Variants in RPAP2 observed in about 807,000 individuals in gnomAD.
RPAP2 encodes putative RNA polymerase II subunit B1 CTD phosphatase RPAP2.
RPAP2 carries 52 observed loss-of-function variants against 73.1 expected under a neutral mutation model. The ratio of observed to expected loss-of-function variants is 0.71; its 90% CI spans 0.57 to 0.90. The LOEUF is 0.90. Ranked by LOEUF, RPAP2 falls within the 40% of genes least tolerant of loss-of-function variation. The probability of loss-of-function intolerance (pLI) is 0.00; values close to 1 mark genes in which losing one functional copy is unlikely to be tolerated. For synonymous variants in RPAP2, 225 were observed against 242.1 expected (o/e 0.93, Z 0.65); for missense variants, 598 against 701.8 (o/e 0.85, Z 1.67).
At chr1:92,374,962 G>C (rs955225424) in intron 11 of RPAP2, among the ~76,000 whole-genome samples, 8 of 151,840 alleles carry the variant, frequency 5.3e-5, no homozygotes, top group African/African-American at 9.7e-5. Flanking sequence ...CAAAACCACT[G>C]AAATAAAATA....
At position 92,392,031 on chromosome 1, in the gene RPAP2, T is replaced by C. The variant is rs1451336747; in HGVS notation, c.*5020T>C. On this transcript the variant is annotated 3_prime_UTR_variant, in exon 13 of 13. Coordinates refer to ENST00000610020, the MANE Select transcript of RPAP2 (RefSeq NM_024813.3). ...AAAGGGAATCCTCCCTAACTCATTTTATGAGGCTAACATCATCCTGATACC... is the reference window on the plus strand; with the variant it reads ...AAAGGGAATCCTCCCTAACTCATTTCATGAGGCTAACATCATCCTGATACC... 2 of 152,208 alleles carry C rather than the reference T, an allele frequency of 1.3e-5. No individual in the cohort carries two copies. The highest frequency in any genetic ancestry group is 2.9e-5 in the Non-Finnish European group (2 of 68,048). 9.4% of individuals were successfully genotyped at this position (152,208 alleles called of 1,614,324 possible).
In RPAP2 at chr1:92,391,505, TA is replaced by T; in HGVS notation, c.*4495del. 6.6e-6 allele frequency: 1 copy of T among 152,090 alleles called. No individual in the cohort carries two copies. Among genetic ancestry groups the T allele is most frequent in the Admixed American group, 6.6e-5 (1 of 15,254 alleles). 9.4% of individuals were successfully genotyped at this position (152,090 alleles called of 1,614,324 possible). On this transcript the variant is annotated 3_prime_UTR_variant, in exon 13 of 13. Transcript: ENST00000610020. The stretch of plus-strand genomic sequence containing the variant: ...AGCAAGACCAAACAAATTCAAAAGC[TA>T]GCAGAAGGCAAGAAATAACTAAGAT...
chr1:92,307,111 T>C, intron 5 of RPAP2, 77 bp from the exon 6 acceptor site: 1 of 962,496 alleles, frequency 1.0e-6, no homozygotes, highest in Non-Finnish European at 1.6e-6. Context: ...ACGATACATT[T>C]ATGTTTTATA....
chr1:92,351,630 G>T (rs898321891), intron 11 of RPAP2, among the ~76,000 whole-genome samples: 2 of 152,074 alleles, frequency 1.3e-5, no homozygotes, highest in African/African-American at 4.8e-5. Context: ...GTATATTTGA[G>T]CCTGTAACAC....
In RPAP2 at chr1:92,310,726, A is replaced by G. The variant is rs576928094; in HGVS notation, c.488+3450A>G. ...AGCCTGGCCAACATGACAAAACCCT[A>G]TCTCTACTAAAAATATAAAAATTAG... On this transcript the variant is annotated intron_variant, in intron 6 of 12. Transcript: ENST00000610020. 2.8e-4 allele frequency among the ~76,000 whole-genome samples: 43 copies of G among 152,218 alleles called. 1 individual carries two copies. In the South Asian group the frequency reaches 8.7e-3, roughly 31 times the overall value.
chr1:92,320,648 A>T lies in RPAP2; in HGVS notation c.524+14A>T. The stretch of plus-strand genomic sequence containing the variant: ...GGAAGAACAAAGGTATGGTTGAATC[A>T]GTATCATTTACCATTTATATATTTA... On this transcript the variant is annotated intron_variant, in intron 7 of 12. Coordinates refer to ENST00000610020, the MANE Select transcript of RPAP2 (RefSeq NM_024813.3). The T allele has an allele frequency of 6.3e-7, 1 of 1,591,944 alleles. No individual in the cohort carries two copies. The highest frequency in any genetic ancestry group is 1.1e-5 in the South Asian group (1 of 90,058).
chr1:92,314,320 G>A (rs1651775472), intron 6 of RPAP2, among the ~76,000 whole-genome samples: 1 of 146,870 alleles, frequency 6.8e-6, no homozygotes, highest in Admixed American at 6.7e-5. Flanking sequence ...TTTTGTTGTT[G>A]TTGCTGTTGC....
intron 11 of RPAP2, among the ~76,000 whole-genome samples, chr1:92,350,627 G>A (rs1654153894): frequency 6.6e-6 from 1 of 152,206 alleles, no homozygotes; most frequent in Non-Finnish European, 1.5e-5. Flanking sequence ...TAATAAAAAT[G>A]TATATAAGTA....
chr1:92,350,408 A>T (rs1268122875), intron 11 of RPAP2, among the ~76,000 whole-genome samples: 1 of 152,196 alleles, frequency 6.6e-6, no homozygotes, highest in African/African-American at 2.4e-5. Flanking sequence ...CAATAAAATA[A>T]CCTGATAATT....
At chr1:92,384,899 C>A (rs1343597951) in intron 12 of RPAP2, among the ~76,000 whole-genome samples, 1 of 152,054 alleles carries the variant, frequency 6.6e-6, no homozygotes, top group East Asian at 1.9e-4. Flanking sequence ...CCTAAAATTC[C>A]AGCACTTTGG....
At position 92,398,909 on chromosome 1, in the gene RPAP2, T is replaced by C. The variant is rs568742012; in HGVS notation, c.*11898T>C. 1.3e-5 allele frequency: 2 copies of C among 152,368 alleles called. No individual in the cohort carries two copies. The highest frequency in any genetic ancestry group is 2.9e-5 in the Non-Finnish European group (2 of 68,044). 9.4% of individuals were successfully genotyped at this position (152,368 alleles called of 1,614,324 possible). On this transcript the variant is annotated 3_prime_UTR_variant, in exon 13 of 13. Transcript: ENST00000610020. ...GAGAATTCATGTGTCCTTTTCCAAA[T>C]TAAACTAGCAAAATATGAACTTTTG...
At chr1:92,352,978 C>T (rs1011461091) in intron 11 of RPAP2, among the ~76,000 whole-genome samples, 2 of 152,184 alleles carry the variant, frequency 1.3e-5, no homozygotes, top group South Asian at 2.1e-4. Context: ...GCTTCTTTCA[C>T]GTAACATGTT....
chr1:92,370,859 T>C (rs1655118273), intron 11 of RPAP2, among the ~76,000 whole-genome samples: 1 of 152,128 alleles, frequency 6.6e-6, no homozygotes, highest in Admixed American at 6.5e-5. Flanking sequence ...ATATACCCCA[T>C]GCAAGAATAG....
At chr1:92,356,188 G>A (rs1654453523) in intron 11 of RPAP2, among the ~76,000 whole-genome samples, 1 of 151,572 alleles carries the variant, frequency 6.6e-6, no homozygotes, top group South Asian at 2.1e-4. Flanking sequence ...ATCTTGGCCA[G>A]GCTGGTCTCA....
In RPAP2 at chr1:92,323,781, A is replaced by C. The variant is rs766206451; in HGVS notation, c.861A>C (p.Thr287=). Residue 287 remains threonine (T), a synonymous_variant, in exon 8 of 13, where the codon ACA becomes ACC. Coordinates refer to ENST00000610020, the MANE Select transcript of RPAP2 (RefSeq NM_024813.3). The part of the protein sequence containing the change: ...CKLDSQEKDA[T]CELPLQKVNT... ...TAGATAGTCAGGAGAAAGATGCTAC[A>C]TGTGAACTTCCTTTACAGAAAGTAA... is the stretch of plus-strand genomic sequence containing the variant. The C allele has an allele frequency of 6.2e-7, 1 of 1,614,112 alleles. No individual in the cohort carries two copies. The highest frequency in any genetic ancestry group is 1.1e-5 in the South Asian group (1 of 91,090).
At chr1:92,328,661 G>T (rs1232624029) in intron 8 of RPAP2, among the ~76,000 whole-genome samples, 2 of 152,150 alleles carry the variant, frequency 1.3e-5, no homozygotes, top group Non-Finnish European at 2.9e-5. Context: ...CTGAGATTTT[G>T]TCTTGGTTTG....
chr1:92,332,936 C>A (rs1229477328), intron 8 of RPAP2, among the ~76,000 whole-genome samples: 1 of 152,040 alleles, frequency 6.6e-6, no homozygotes, highest in East Asian at 1.9e-4. Context: ...TGTTTTCCCC[C>A]AACTTTTTTC....
chr1:92,343,994 C>G lies in RPAP2; in HGVS notation c.1620-1852C>G, dbSNP rs1653739309. ...CCTTTGTTCCCTTTCCCAATCCATTCTTCGTTCCTCCCCAGAAGCAACTGC... is the reference window on the plus strand; with the variant it reads ...CCTTTGTTCCCTTTCCCAATCCATTGTTCGTTCCTCCCCAGAAGCAACTGC... On this transcript the variant is annotated intron_variant, in intron 10 of 12. Transcript: ENST00000610020. Among the ~76,000 whole-genome samples, 3 of 152,314 alleles carry G rather than the reference C, an allele frequency of 2.0e-5. No individual in the cohort carries two copies. In the South Asian group the frequency reaches 6.2e-4, roughly 32 times the overall value.
At chr1:92,322,753 T>C (rs1407959044) in intron 7 of RPAP2, among the ~76,000 whole-genome samples, 1 of 151,374 alleles carries the variant, frequency 6.6e-6, no homozygotes, top group African/African-American at 2.4e-5. Flanking sequence ...GGTGCCCACG[T>C]GTAATCCCAG....
Sources: allele counts gnomAD v4.1 joint callset (sites outside exome capture counted in the v4.1 genomes callset), GRCh38; gene constraint gnomAD v4.1.1; transcripts MANE v1.5; gene names NCBI Gene and HGNC (gene_info 2026-07-23, HGNC 2026-07-21).